OSBPL10: variants seen among roughly 807,000 people sequenced by gnomAD.
OSBPL10 encodes oxysterol-binding protein-related protein 10.
OSBPL10 carries 49 observed loss-of-function variants against 81.7 expected under a neutral mutation model. The observed-to-expected ratio is 0.60, with a 90% CI of 0.48 to 0.76. The LOEUF is 0.76. Among genes scored for constraint, OSBPL10 ranks in the 30% least tolerant of loss-of-function variants. The pLI is 0.00. For missense variants in OSBPL10, 923 were observed against 987.8 expected (o/e 0.93, Z 0.88); for synonymous variants, 419 against 383.6 (o/e 1.09, Z -1.08).
intron 1 of OSBPL10, among the ~76,000 whole-genome samples, chr3:32,059,593 AAAAACAAAAC>A (rs767750962): frequency 7.9e-5 from 12 of 151,634 alleles, no homozygotes; most frequent in African/African-American, 1.2e-4. Context: ...TCCATCTCAA[AAAAACAAAAC>A]AAAACAAAAC....
At chr3:31,789,490 T>G (rs1698955948) in intron 4 of OSBPL10, among the ~76,000 whole-genome samples, 1 of 152,118 alleles carries the variant, frequency 6.6e-6, no homozygotes, top group South Asian at 2.1e-4. Flanking sequence ...TCCTATAGGG[T>G]ACAGGGCAGA....
At chr3:31,812,381 A>AG (rs1035590045) in intron 4 of OSBPL10, among the ~76,000 whole-genome samples, 1 of 152,210 alleles carries the variant, frequency 6.6e-6, no homozygotes, top group African/African-American at 2.4e-5. Flanking sequence ...AACGTCCCCT[A>AG]GGCAGGGTTA....
intron 1 of OSBPL10, among the ~76,000 whole-genome samples, chr3:31,911,344 TGGTTA>T (rs1328005034): frequency 6.6e-6 from 1 of 152,118 alleles, no homozygotes; most frequent in Non-Finnish European, 1.5e-5. Flanking sequence ...AACAGTGGGA[TGGTTA>T]ATCTTAAAGC....
chr3:31,663,778 C>A, intron 11 of OSBPL10: 1 of 1,289,126 alleles, frequency 7.8e-7, no homozygotes, highest in East Asian at 3.7e-5. Flanking sequence ...AGAACAGTAT[C>A]CAGTCTGCAG....
At chr3:31,872,793 T>C (rs969570717) in intron 3 of OSBPL10, among the ~76,000 whole-genome samples, 2 of 152,032 alleles carry the variant, frequency 1.3e-5, no homozygotes, top group Admixed American at 6.6e-5. Flanking sequence ...AGCTAATTTT[T>C]TTCATATTTT....
In OSBPL10 at chr3:32,072,544, A is replaced by G. The variant is rs149800482; in HGVS notation, n.185+4852T>C. On this transcript the variant is annotated intron_variant and non_coding_transcript_variant, in intron 1 of 3. Coordinates refer to the OSBPL10 transcript ENST00000479173. Reference sequence around the variant, plus strand: ...CTATTGTCATTTCATAACCTCTTCCATGTAGGTTACAAGCTGCTAGCCCGC... The same window carrying G: ...CTATTGTCATTTCATAACCTCTTCCGTGTAGGTTACAAGCTGCTAGCCCGC... 1.7e-3 allele frequency among the ~76,000 whole-genome samples: 264 copies of G among 152,244 alleles called. 6 individuals are homozygous for G. The East Asian group carries it at 0.022, about 13-fold the overall frequency.
intron 2 of OSBPL10, among the ~76,000 whole-genome samples, chr3:32,002,095 G>T (rs1699154905): frequency 1.3e-5 from 2 of 152,158 alleles, no homozygotes; most frequent in African/African-American, 4.8e-5. Context: ...TAGGTCCTAG[G>T]TATACTTCCT....
chr3:31,751,727 G>A lies in OSBPL10; in HGVS notation c.730-3607C>T, dbSNP rs186454319. On this transcript the variant is annotated intron_variant, in intron 4 of 11. Transcript: ENST00000396556. ...AATAATACAAGCTTTACAGTGATTG[G>A]CACACAGTAGACACCTCCTAAAGAT... is the stretch of plus-strand genomic sequence containing the variant. 7.4e-4 allele frequency among the ~76,000 whole-genome samples: 113 copies of A among 152,262 alleles called. 1 individual carries two copies. The highest frequency in any genetic ancestry group is 2.6e-3 in the African/African-American group (108 of 41,544).
At chr3:31,863,277 G>T (rs578262154) in intron 3 of OSBPL10, among the ~76,000 whole-genome samples, 2 of 152,294 alleles carry the variant, frequency 1.3e-5, no homozygotes, top group South Asian at 4.1e-4. Flanking sequence ...GGATAGAAAT[G>T]GGGGGTGACT....
chr3:31,947,439 A>T (rs1204348038), intron 1 of OSBPL10, among the ~76,000 whole-genome samples: 1 of 152,230 alleles, frequency 6.6e-6, no homozygotes, highest in African/African-American at 2.4e-5. Context: ...AGGCGGAAGC[A>T]TGCTTTGTCC....
intron 6 of OSBPL10, among the ~76,000 whole-genome samples, chr3:31,723,571 C>T (rs1303294160): frequency 6.6e-6 from 1 of 151,126 alleles, no homozygotes; most frequent in Non-Finnish European, 1.5e-5. Flanking sequence ...CACACACACA[C>T]CCCTTTCCCT....
chr3:31,851,676 T>C (rs1700770114), intron 3 of OSBPL10, among the ~76,000 whole-genome samples: 1 of 152,222 alleles, frequency 6.6e-6, no homozygotes, highest in African/African-American at 2.4e-5. Context: ...TTCCGAAAGA[T>C]GTGATTTGCT....
At chr3:31,928,660 G>T (rs958153206) in intron 1 of OSBPL10, among the ~76,000 whole-genome samples, 2 of 150,550 alleles carry the variant, frequency 1.3e-5, no homozygotes, top group African/African-American at 2.5e-5. Context: ...CCTGTCTGTA[G>T]TCCTAGCTAC....
chr3:31,777,268 C>A (rs910972409), intron 4 of OSBPL10, among the ~76,000 whole-genome samples: 2 of 152,196 alleles, frequency 1.3e-5, no homozygotes, highest in African/African-American at 2.4e-5. Flanking sequence ...TAAGCTTAAC[C>A]TTATTTTCTA....
chr3:32,052,119 C>T (rs547772843), intron 1 of OSBPL10, among the ~76,000 whole-genome samples: 10 of 151,878 alleles, frequency 6.6e-5, no homozygotes, highest in African/African-American at 2.2e-4. Flanking sequence ...TGGTGGCATG[C>T]ACCTGTGGTC....
At chr3:31,930,003 C>CAAAAAAAAAAAAAAAAAAAAAAAAAAAA (rs57256301) in intron 1 of OSBPL10, among the ~76,000 whole-genome samples, 1 of 72,574 alleles carries the variant, frequency 1.4e-5, no homozygotes, top group African/African-American at 5.3e-5. Context: ...TGTCACCAAC[C>CAAAAAAAAAAAAAAAAAAAAAAAAAAAA]AAAAAAAAAA....
chr3:31,702,441 G>T lies in OSBPL10; in HGVS notation c.1163C>A (p.Thr388Lys), dbSNP rs150154296. 6 of 1,613,950 alleles carry T rather than the reference G, an allele frequency of 3.7e-6. No individual in the cohort carries two copies. The Admixed American group carries it at 1.0e-4, about 27-fold the overall frequency. The change falls in exon 7 of 12, where the codon ACG becomes AAG. Residue 388 changes from threonine to lysine, a missense_variant. Coordinates refer to ENST00000396556, the MANE Select transcript of OSBPL10 (RefSeq NM_017784.5). ...EKSDNEDKEE[T>K]ELGVMEDQRS... ...CTGATCCTCCATGACGCCCAATTCC[G>T]TCTCTTCCTTATCTTCATTGTCACT...
intron 6 of OSBPL10, among the ~76,000 whole-genome samples, chr3:31,729,191 C>A (rs1696892314): frequency 6.6e-6 from 1 of 152,114 alleles, no homozygotes; most frequent in South Asian, 2.1e-4. Context: ...CAGATATGTC[C>A]TCTAGAAGGT....
chr3:31,703,136 G>A (rs1695952229), intron 6 of OSBPL10, among the ~76,000 whole-genome samples: 2 of 152,110 alleles, frequency 1.3e-5, no homozygotes. Flanking sequence ...TGCTTTCCTC[G>A]ATGCAAGTTT....
Sources: gnomAD v4.1 joint callset for allele counts (sites outside exome capture counted in the v4.1 genomes callset) on GRCh38, gnomAD v4.1.1 for gene constraint, MANE v1.5 for transcripts, NCBI Gene and HGNC (gene_info 2026-07-23, HGNC 2026-07-21) for gene names.